PAK2: variants seen among roughly 807,000 people sequenced by gnomAD.
PAK2 encodes serine/threonine-protein kinase PAK 2.
In PAK2, 21 loss-of-function variants were observed where a neutral mutation model predicts 65.9. The ratio of observed to expected loss-of-function variants is 0.32; its 90% CI spans 0.23 to 0.46. PAK2 has a LOEUF of 0.46. Ranked by LOEUF, PAK2 falls within the 20% of genes least tolerant of loss-of-function variation. The probability of loss-of-function intolerance (pLI) is 1.00; values close to 1 mark genes in which losing one functional copy is unlikely to be tolerated. For missense variants in PAK2, 324 were observed against 642.6 expected (o/e 0.50, Z 5.36); for synonymous variants, 204 against 219.7 (o/e 0.93, Z 0.63).
intron 1 of PAK2, among the ~76,000 whole-genome samples, chr3:196,778,788 A>G (rs1166147893): frequency 6.6e-6 from 1 of 152,090 alleles, no homozygotes; most frequent in Non-Finnish European, 1.5e-5. Context: ...TGTCCTTGAC[A>G]GTTTGGAGGA....
intron 1 of PAK2, among the ~76,000 whole-genome samples, chr3:196,773,824 A>G (rs955030289): frequency 6.6e-6 from 1 of 152,114 alleles, no homozygotes; most frequent in Non-Finnish European, 1.5e-5. Context: ...GTGAGCCAAG[A>G]TCACGCCACT....
chr3:196,816,586 T>C (rs1235417928), intron 11 of PAK2, among the ~76,000 whole-genome samples: 6 of 152,186 alleles, frequency 3.9e-5, no homozygotes, highest in African/African-American at 1.4e-4. Context: ...TACAAGTATT[T>C]TCTGGAGCTT....
chr3:196,768,471 G>A (rs1714253078), intron 1 of PAK2, among the ~76,000 whole-genome samples: 1 of 151,244 alleles, frequency 6.6e-6, no homozygotes. Context: ...TTAATTTTTA[G>A]TTCTCCTTTA....
At chr3:196,764,777 C>T (rs1448910898) in intron 1 of PAK2, among the ~76,000 whole-genome samples, 1 of 151,892 alleles carries the variant, frequency 6.6e-6, no homozygotes, top group Non-Finnish European at 1.5e-5. Flanking sequence ...CCTCACCCTC[C>T]CAAAATGTTG....
intron 2 of PAK2, among the ~76,000 whole-genome samples, chr3:196,783,739 A>C (rs139713141): frequency 9.5e-4 from 145 of 152,184 alleles, no homozygotes; most frequent in Middle Eastern, 6.8e-3. Context: ...CTGCATTTTT[A>C]TTGTAATTTT....
In PAK2 at chr3:196,757,887, G is replaced by A. The variant is rs188639269; in HGVS notation, c.-22+17730G>A. Among the ~76,000 whole-genome samples the A allele has an allele frequency of 3.3e-5, 5 of 152,292 alleles. No homozygotes were observed. In the East Asian group the frequency reaches 9.6e-4, roughly 29 times the overall value. On this transcript the variant is annotated intron_variant, in intron 1 of 14. Transcript: ENST00000327134. ...TGAACATACGGTGCTTAAGGGATGAGGTTTCTGGGTCAGTTTTATTGGTTG... is the reference window on the plus strand; with the variant it reads ...TGAACATACGGTGCTTAAGGGATGAAGTTTCTGGGTCAGTTTTATTGGTTG...
At chr3:196,783,377 T>G (rs1331869129) in intron 2 of PAK2, among the ~76,000 whole-genome samples, 9 of 152,026 alleles carry the variant, frequency 5.9e-5, no homozygotes, top group Non-Finnish European at 4.4e-5. Flanking sequence ...AGCCAAATAA[T>G]TTGTTGTTGC....
At chr3:196,779,130 A>G (rs1231381391) in intron 1 of PAK2, among the ~76,000 whole-genome samples, 1 of 152,168 alleles carries the variant, frequency 6.6e-6, no homozygotes, top group Non-Finnish European at 1.5e-5. Context: ...CTAGAGGGAG[A>G]CATATTTACC....
chr3:196,809,848 CT>C (rs1485650094), intron 7 of PAK2, among the ~76,000 whole-genome samples: 1 of 151,772 alleles, frequency 6.6e-6, no homozygotes, highest in Non-Finnish European at 1.5e-5. Context: ...TGGTCCTGTC[CT>C]TTTTTACCTT....
At position 196,806,596 on chromosome 3, in the gene PAK2, A is replaced by C. The variant is rs1006953910; in HGVS notation, c.486A>C (p.Thr162=). The C allele has an allele frequency of 9.9e-6, 16 of 1,611,446 alleles. No individual in the cohort carries two copies. The highest frequency in any genetic ancestry group is 1.1e-5 in the Non-Finnish European group (13 of 1,177,732). ...CAATGCAGCTGAATGCCAAGGGAAC[A>C]GAAGCACCCGCAGTAGTGACAGAGG... The part of the protein sequence containing the change: ...SGTPALNAKG[T]EAPAVVTEEE... Residue 162 remains threonine, a synonymous_variant, in exon 6 of 15, where the codon ACA becomes ACC. Transcript: ENST00000327134.
At position 196,827,832 on chromosome 3, in the gene PAK2, C is replaced by G. The variant is rs1711933909; in HGVS notation, c.1489-487C>G. Among the ~76,000 whole-genome samples, 3 of 151,594 alleles carry G rather than the reference C, an allele frequency of 2.0e-5. No individual in the cohort carries two copies. In the South Asian group the frequency reaches 6.3e-4, roughly 32 times the overall value. Reference sequence around the variant, plus strand: ...GTGCAGTTTGTGCATCGTATCAATCCTCAGACCTGTTTACAGTTTGTGCAT... The same window carrying G: ...GTGCAGTTTGTGCATCGTATCAATCGTCAGACCTGTTTACAGTTTGTGCAT... On this transcript the variant is annotated intron_variant, in intron 14 of 14. Coordinates refer to ENST00000327134, the MANE Select transcript of PAK2 (RefSeq NM_002577.4).
intron 1 of PAK2, among the ~76,000 whole-genome samples, chr3:196,759,488 GGTTTTTTTTGTTTTTTTTTTTT>G (rs1713876143): frequency 9.0e-6 from 1 of 111,112 alleles, no homozygotes; most frequent in Non-Finnish European, 1.8e-5. Context: ...ACAGTTAAGT[GGTTTTTTTTGTTTTTTTTTTTT>G]TTTTTTTTTT....
chr3:196,784,129 T>TTCAAC (rs1714804067), intron 2 of PAK2, among the ~76,000 whole-genome samples: 1 of 152,186 alleles, frequency 6.6e-6, no homozygotes, highest in Non-Finnish European at 1.5e-5. Flanking sequence ...TAAATCTGTG[T>TTCAAC]TCAAACTCCA....
intron 11 of PAK2, among the ~76,000 whole-genome samples, chr3:196,815,408 C>T (rs941957987): frequency 6.6e-6 from 1 of 150,936 alleles, no homozygotes; most frequent in African/African-American, 2.4e-5. Context: ...GGGAGAATCG[C>T]TTGAGCTGAG....
At chr3:196,777,874 G>C (rs1034919458) in intron 1 of PAK2, among the ~76,000 whole-genome samples, 3 of 152,180 alleles carry the variant, frequency 2.0e-5, no homozygotes, top group Non-Finnish European at 4.4e-5. Flanking sequence ...TCTTTATTCT[G>C]TGAGTAGATA....
At chr3:196,763,430 A>G (rs529662127) in intron 1 of PAK2, among the ~76,000 whole-genome samples, 18 of 152,232 alleles carry the variant, frequency 1.2e-4, no homozygotes, top group African/African-American at 3.6e-4. Flanking sequence ...CCAGCGCCCT[A>G]TATCGACAAA....
chr3:196,749,645 G>A lies in PAK2; in HGVS notation c.-22+9488G>A, dbSNP rs73205812. Among the ~76,000 whole-genome samples the A allele has an allele frequency of 6.4e-3, 972 of 152,270 alleles. 6 individuals carry two copies. Among genetic ancestry groups the A allele is most frequent in the Non-Finnish European group, 0.01 (691 of 68,022 alleles). ...AGGAGCATGATGGCTGGAGTGTATGGTAAGAATGTATTTCATTTTGTAAGA... is the reference window on the plus strand; with the variant it reads ...AGGAGCATGATGGCTGGAGTGTATGATAAGAATGTATTTCATTTTGTAAGA... On this transcript the variant is annotated intron_variant, in intron 1 of 14. Transcript: ENST00000327134.
chr3:196,806,490 C>A lies in PAK2; in HGVS notation c.469-89C>A, dbSNP rs969812813. 74 of 783,698 alleles carry A rather than the reference C, an allele frequency of 9.4e-5. No homozygotes were observed. In the South Asian group the frequency reaches 1.1e-3, roughly 11 times the overall value. The allele number at this position is 783,698 out of a possible 1,614,324, so 48.5% of individuals were successfully genotyped here. On this transcript the variant is annotated intron_variant, in intron 5 of 14. Transcript: ENST00000327134. ...GTTTTGAAATGAGCTATCAAAGAAG[C>A]AAACTTTTTGAAGTACGTTCATAAA...
At chr3:196,821,205 C>G (rs1214982688) in intron 13 of PAK2, among the ~76,000 whole-genome samples, 2 of 151,822 alleles carry the variant, frequency 1.3e-5, no homozygotes, top group African/African-American at 4.8e-5. Context: ...AAATGTAAAT[C>G]AAAACCTCAA....
Sources: allele counts gnomAD v4.1 joint callset (sites outside exome capture counted in the v4.1 genomes callset), GRCh38; gene constraint gnomAD v4.1.1; transcripts MANE v1.5; gene names NCBI Gene and HGNC (gene_info 2026-07-23, HGNC 2026-07-21).